The following TCF12 variants were observed in gnomAD, a reference collection of about 807,000 sequenced individuals.
TCF12 encodes DNA-binding protein HTF4.
A neutral mutation model predicts 86.0 loss-of-function variants in TCF12; 45 were observed. That is an observed-to-expected ratio of 0.52 (90% CI 0.41 to 0.67). The LOEUF is 0.67. Ranked by LOEUF, TCF12 falls within the 30% of genes least tolerant of loss-of-function variation. TCF12 has a pLI of 0.00. For missense variants in TCF12, 881 were observed against 859.9 expected (o/e 1.02, Z -0.31); for synonymous variants, 330 against 299.6 (o/e 1.10, Z -1.05).
rs869113042 is a variant in TCF12 at position 57,136,958 on chromosome 15, G to GTTTTTTTTTT, written c.326-29442_326-29433dup. On this transcript the variant is annotated intron_variant, in intron 5 of 20. Coordinates refer to ENST00000333725, the MANE Select transcript of TCF12 (RefSeq NM_207037.2). Reference sequence around the variant, plus strand: ...TAGACAATAGCCACTGCTTCTGGCAGTTTTTTTTTTTGTTTTTTTTTTTTT... The same window carrying GTTTTTTTTTT: ...TAGACAATAGCCACTGCTTCTGGCAGTTTTTTTTTTTTTTTTTTTTTGTTTTTTTTTTTTT... Among the ~76,000 whole-genome samples, 25 of 83,044 alleles carry GTTTTTTTTTT rather than the reference G, an allele frequency of 3.0e-4. 11 individuals are homozygous for GTTTTTTTTTT. The highest frequency in any genetic ancestry group is 1.5e-3 in the East Asian group (4 of 2,586). 54.5% of individuals were successfully genotyped at this position (83,044 alleles called of 152,430 possible).
chr15:57,239,309 C>CCACT (rs1483669393), intron 12 of TCF12, among the ~76,000 whole-genome samples: 39 of 151,992 alleles, frequency 2.6e-4, no homozygotes, highest in Admixed American at 2.5e-3. Flanking sequence ...TGAGATTGCA[C>CCACT]CACTGCACTC....
At chr15:56,918,461 G>C (rs779471965), upstream of TCF12, 2 of 340,396 alleles carry the variant, frequency 5.9e-6, no homozygotes, top group East Asian at 9.5e-5. Context: ...CCTCCCCACC[G>C]GCCCCAACTC....
At chr15:57,158,929 C>T (rs2054306840) in intron 5 of TCF12, among the ~76,000 whole-genome samples, 1 of 152,186 alleles carries the variant, frequency 6.6e-6, no homozygotes, top group South Asian at 2.1e-4. Flanking sequence ...GCCAATAATG[C>T]TTAAACAAAT....
intron 3 of TCF12, among the ~76,000 whole-genome samples, chr15:57,030,193 GCT>G (rs2066073697): frequency 6.6e-6 from 1 of 152,130 alleles, no homozygotes; most frequent in Admixed American, 6.5e-5. Context: ...TCGTGGTCTT[GCT>G]CTGTCACTGA....
chr15:56,970,460 A>G (rs1052391433), intron 3 of TCF12, among the ~76,000 whole-genome samples: 2 of 141,218 alleles, frequency 1.4e-5, no homozygotes, highest in African/African-American at 5.5e-5. Flanking sequence ...AGCCTGGGCA[A>G]CAGAGCGAGA....
At chr15:57,201,011 A>G (rs2057517110) in intron 8 of TCF12, among the ~76,000 whole-genome samples, 1 of 152,156 alleles carries the variant, frequency 6.6e-6, no homozygotes, top group East Asian at 1.9e-4. Flanking sequence ...CTACATACTT[A>G]CGGTTTTAAA....
At chr15:57,013,123 C>T (rs2064937166) in intron 3 of TCF12, among the ~76,000 whole-genome samples, 1 of 151,818 alleles carries the variant, frequency 6.6e-6, no homozygotes, top group South Asian at 2.1e-4. Context: ...AGATAATCTG[C>T]CTCAGATGGC....
At chr15:57,223,664 T>TTGTTTTTTTTTG (rs1566940964) in intron 8 of TCF12, among the ~76,000 whole-genome samples, 5 of 146,032 alleles carry the variant, frequency 3.4e-5, no homozygotes, top group South Asian at 2.2e-4. Flanking sequence ...TTTTTTTTTT[T>TTGTTTTTTTTTG]TTTTTTTAGA....
chr15:57,139,760 C>T (rs1014651305), intron 5 of TCF12, among the ~76,000 whole-genome samples: 2 of 152,010 alleles, frequency 1.3e-5, no homozygotes, highest in Non-Finnish European at 2.9e-5. Flanking sequence ...TTTGCTATGA[C>T]ACTCAAGAAA....
rs67531540 is a variant in TCF12 at position 57,206,582 on chromosome 15, C to CTTTTT, written c.579+8776_579+8780dup. Among the ~76,000 whole-genome samples, 97 of 83,834 alleles carry CTTTTT rather than the reference C, an allele frequency of 1.2e-3. 2 individuals carry two copies. Among genetic ancestry groups the CTTTTT allele is most frequent in the African/African-American group, 2.8e-3 (67 of 24,272 alleles). 55.0% of individuals were successfully genotyped at this position (83,834 alleles called of 152,430 possible). A position where few individuals can be genotyped will look rare whatever the true frequency, so the allele number is the denominator to read the frequency against. Reference sequence around the variant, plus strand: ...ATTAAGATCCACTACCTTGTATTCTCTTTTTTTTTTTTTTTTTTTTTTTCT... The same window carrying CTTTTT: ...ATTAAGATCCACTACCTTGTATTCTCTTTTTTTTTTTTTTTTTTTTTTTTTTTTCT... On this transcript the variant is annotated intron_variant, in intron 8 of 20. Coordinates refer to ENST00000333725, the MANE Select transcript of TCF12 (RefSeq NM_207037.2).
chr15:57,070,083 G>T (rs1433287186), intron 4 of TCF12, among the ~76,000 whole-genome samples: 1 of 152,100 alleles, frequency 6.6e-6, no homozygotes, highest in Non-Finnish European at 1.5e-5. Flanking sequence ...AAAGTTTGGG[G>T]CTTATACCTG....
chr15:56,959,856 A>G (rs2061666610), intron 3 of TCF12, among the ~76,000 whole-genome samples: 1 of 152,196 alleles, frequency 6.6e-6, no homozygotes, highest in Non-Finnish European at 1.5e-5. Flanking sequence ...TATATATTGA[A>G]TTAGAAGTTC....
At chr15:57,064,443 G>A (rs539594802) in intron 4 of TCF12, among the ~76,000 whole-genome samples, 1 of 152,222 alleles carries the variant, frequency 6.6e-6, no homozygotes, top group African/African-American at 2.4e-5. Flanking sequence ...TCAAAGAATT[G>A]GAATAAAAGT....
intron 5 of TCF12, among the ~76,000 whole-genome samples, chr15:57,160,081 T>C (rs532767503): frequency 1.3e-5 from 2 of 152,356 alleles, no homozygotes; most frequent in Admixed American, 6.5e-5. Context: ...TGCTTTGGTC[T>C]AAATTTGGGT....
Position 57,173,646 on chromosome 15 carries a change from C to T in TCF12, c.390+7180C>T, listed in dbSNP as rs1371737292. Among the ~76,000 whole-genome samples the T allele has an allele frequency of 2.0e-5, 3 of 151,442 alleles. No homozygotes were observed. The East Asian group carries it at 5.8e-4, about 29-fold the overall frequency. On this transcript the variant is annotated intron_variant, in intron 6 of 20. Coordinates refer to ENST00000333725, the MANE Select transcript of TCF12 (RefSeq NM_207037.2). ...ACAACTTAGATTAAATAAATGAATT[C>T]CTTGAAAAATACTTACCAAGAGGAG...
At chr15:56,964,704 T>TA (rs1490655899) in intron 3 of TCF12, among the ~76,000 whole-genome samples, 4 of 152,336 alleles carry the variant, frequency 2.6e-5, no homozygotes, top group African/African-American at 9.6e-5. Flanking sequence ...GTGTTGAACT[T>TA]ATTGCCTTAG....
chr15:57,152,581 TC>T (rs2053839477), intron 5 of TCF12, among the ~76,000 whole-genome samples: 3 of 151,644 alleles, frequency 2.0e-5, no homozygotes, highest in Non-Finnish European at 4.4e-5. Flanking sequence ...TTTGTGGTCA[TC>T]AGTAGACAAC....
At chr15:56,939,713 A>G (rs907588027) in intron 3 of TCF12, among the ~76,000 whole-genome samples, 4 of 152,234 alleles carry the variant, frequency 2.6e-5, no homozygotes, top group Non-Finnish European at 5.9e-5. Context: ...CCCAAATTGC[A>G]TTTTCTTTCC....
At chr15:56,943,335 C>CT (rs1442494716) in intron 3 of TCF12, among the ~76,000 whole-genome samples, 2 of 151,836 alleles carry the variant, frequency 1.3e-5, no homozygotes, top group Non-Finnish European at 2.9e-5. Flanking sequence ...ATGACTTAAG[C>CT]TAAAAAAAAG....
Sources: allele counts gnomAD v4.1 joint callset (sites outside exome capture counted in the v4.1 genomes callset), GRCh38; gene constraint gnomAD v4.1.1; transcripts MANE v1.5; gene names NCBI Gene and HGNC (gene_info 2026-07-23, HGNC 2026-07-21).